Variants in SPATA16 observed in about 807,000 individuals in gnomAD.
The protein encoded by SPATA16 is spermatogenesis-associated protein 16.
SPATA16 carries 36 observed loss-of-function variants against 63.3 expected under a neutral mutation model. The ratio of observed to expected loss-of-function variants is 0.57; its 90% confidence interval spans 0.44 to 0.75. The LOEUF (loss-of-function observed/expected upper bound fraction) is 0.75. SPATA16 is among the 30% of genes least tolerant of loss of function. SPATA16 has a pLI of 0.00. For missense variants in SPATA16, 646 were observed against 679.3 expected, an observed-to-expected ratio of 0.95 and a Z score of 0.54; for synonymous variants, 203 against 216.7, an observed-to-expected ratio of 0.94 and a Z score of 0.56.
chr3:172,909,758 T>C (rs918605977), intron 10 of SPATA16, among the ~76,000 whole-genome samples: 4 of 152,216 alleles, frequency 2.6e-5, no homozygotes, highest in South Asian at 2.1e-4. Flanking sequence ...TAATTTTGAA[T>C]TGTTGTTTTA....
chr3:173,134,406 T>C (rs1185183018), intron 1 of SPATA16, among the ~76,000 whole-genome samples: 1 of 151,928 alleles, frequency 6.6e-6, no homozygotes, highest in Admixed American at 6.6e-5. Context: ...GGAGGATCAC[T>C]TGAACCCGGG....
chr3:173,096,573 A>T (rs1229689696), intron 2 of SPATA16, among the ~76,000 whole-genome samples: 2 of 152,152 alleles, frequency 1.3e-5, no homozygotes, highest in African/African-American at 2.4e-5. Context: ...TTAGTAATAC[A>T]CTAACCAGTG....
intron 5 of SPATA16, among the ~76,000 whole-genome samples, chr3:172,970,046 T>G (rs535166031): frequency 2.8e-4 from 43 of 152,320 alleles, no homozygotes; most frequent in Non-Finnish European, 3.1e-4. Flanking sequence ...ACATATTTAT[T>G]TGGTAAGCCG....
intron 2 of SPATA16, among the ~76,000 whole-genome samples, chr3:173,102,906 A>G (rs1365931467): frequency 6.6e-6 from 1 of 152,216 alleles, no homozygotes; most frequent in African/African-American, 2.4e-5. Context: ...AATATAAACA[A>G]GTTATTTACT....
chr3:172,893,684 C>T (rs1731940321), intron 10 of SPATA16, among the ~76,000 whole-genome samples: 1 of 152,212 alleles, frequency 6.6e-6, no homozygotes, highest in South Asian at 2.1e-4. Context: ...CACTGATGTT[C>T]CCTACTTGGT....
chr3:173,139,767 C>G (rs1738657195), intron 1 of SPATA16, among the ~76,000 whole-genome samples: 1 of 152,206 alleles, frequency 6.6e-6, no homozygotes, highest in South Asian at 2.1e-4. Flanking sequence ...GGGCATATCA[C>G]TGGAGGTCAG....
intron 2 of SPATA16, 144 bp downstream of exon 2, chr3:173,116,975 TG>T: frequency 1.2e-6 from 1 of 861,690 alleles, no homozygotes; most frequent in Non-Finnish European, 1.9e-6. Flanking sequence ...TTATGTAAAC[TG>T]GGAACTGCAA....
intron 2 of SPATA16, among the ~76,000 whole-genome samples, chr3:173,057,747 G>A (rs1008621232): frequency 3.9e-5 from 6 of 152,100 alleles, no homozygotes; most frequent in African/African-American, 1.4e-4. Flanking sequence ...GTACAGAAAC[G>A]GAGTAAGCGT....
chr3:172,911,232 C>T (rs1322258333), intron 10 of SPATA16, among the ~76,000 whole-genome samples: 1 of 152,198 alleles, frequency 6.6e-6, no homozygotes, highest in East Asian at 1.9e-4. Flanking sequence ...TCCATTACTA[C>T]CCGCCTCCCC....
chr3:173,117,087 T>C (rs2108336441), intron 2 of SPATA16, 33 bp downstream of exon 2: 1 of 1,605,416 alleles, frequency 6.2e-7, no homozygotes, highest in Middle Eastern at 1.7e-4. Context: ...CATAGTTTCC[T>C]GTCACCAATC....
At chr3:172,900,662 G>A (rs907805343) in intron 10 of SPATA16, among the ~76,000 whole-genome samples, 1 of 151,126 alleles carries the variant, frequency 6.6e-6, no homozygotes, top group African/African-American at 2.4e-5. Context: ...TGTTTTTTTG[G>A]TGGAGTCTCA....
intron 5 of SPATA16, among the ~76,000 whole-genome samples, chr3:172,969,033 A>G (rs1733981835): frequency 6.6e-6 from 1 of 152,230 alleles, no homozygotes; most frequent in East Asian, 1.9e-4. Context: ...ATGAGAATTC[A>G]TAAACTGGGA....
chr3:172,918,011 A>G (rs1732533651), intron 8 of SPATA16, among the ~76,000 whole-genome samples: 1 of 152,188 alleles, frequency 6.6e-6, no homozygotes, highest in Non-Finnish European at 1.5e-5. Flanking sequence ...TCTTACTCAC[A>G]CTAATTTGTT....
chr3:173,039,793 T>A (rs917974074), intron 3 of SPATA16, among the ~76,000 whole-genome samples: 1 of 152,096 alleles, frequency 6.6e-6, no homozygotes, highest in Non-Finnish European at 1.5e-5. Flanking sequence ...CAAAGTGTCA[T>A]AGAGGCAATA....
intron 2 of SPATA16, among the ~76,000 whole-genome samples, chr3:173,063,343 G>C (rs115645104): frequency 0.017 from 2,531 of 152,248 alleles, 70 homozygotes; most frequent in African/African-American, 0.058. Flanking sequence ...AGCAGAGAAG[G>C]CTAGAACATG....
At chr3:173,051,506 T>C (rs1378573569) in intron 2 of SPATA16, among the ~76,000 whole-genome samples, 1 of 151,860 alleles carries the variant, frequency 6.6e-6, no homozygotes, top group Non-Finnish European at 1.5e-5. Flanking sequence ...CAGCCAATTT[T>C]TGTATTTTCA....
intron 4 of SPATA16, among the ~76,000 whole-genome samples, chr3:173,010,233 C>A (rs1735034766): frequency 6.6e-6 from 1 of 152,198 alleles, no homozygotes; most frequent in African/African-American, 2.4e-5. Context: ...ACCGTGATTG[C>A]CAAGGCCATT....
rs1736407586 is a variant in SPATA16 at position 173,062,610 on chromosome 3, G to T, written c.613-13516C>A. 2.0e-5 allele frequency among the ~76,000 whole-genome samples: 3 copies of T among 152,158 alleles called. No individual in the cohort carries two copies. The South Asian group carries it at 6.2e-4, about 31-fold the overall frequency. Reference sequence around the variant, plus strand: ...TTCAGACAATAAGTGTTAGAGCTATGATTGAAATTCAGGTTTGCTGTCTCA... The same window carrying T: ...TTCAGACAATAAGTGTTAGAGCTATTATTGAAATTCAGGTTTGCTGTCTCA... On this transcript the variant is annotated intron_variant, in intron 2 of 10. Transcript: ENST00000351008.
intron 6 of SPATA16, among the ~76,000 whole-genome samples, chr3:172,925,982 C>T (rs7616306): frequency 6.6e-6 from 1 of 151,688 alleles, no homozygotes; most frequent in African/African-American, 2.4e-5. Context: ...CCCGCCACCG[C>T]GCCCAGCTGA....
Sources: allele counts gnomAD v4.1 joint callset (sites outside exome capture counted in the v4.1 genomes callset), GRCh38; gene constraint gnomAD v4.1.1; transcripts MANE v1.5; gene names NCBI Gene and HGNC (gene_info 2026-07-23, HGNC 2026-07-21).